SLC16A5: variants seen among roughly 807,000 people sequenced by gnomAD.
The protein encoded by SLC16A5 is monocarboxylate transporter 6.
A neutral mutation model predicts 33.2 loss-of-function variants in SLC16A5; 29 were observed. The ratio of observed to expected loss-of-function variants is 0.87; its 90% CI spans 0.65 to 1.19. The LOEUF (loss-of-function observed/expected upper bound fraction) is 1.19. Ranked by LOEUF, SLC16A5 falls within the 50% of genes most tolerant of loss-of-function variation. The pLI is 0.00. For synonymous variants in SLC16A5, 248 were observed against 284.1 expected, an observed-to-expected ratio of 0.87 and a Z score of 1.28; for missense variants, 606 against 678.2, an observed-to-expected ratio of 0.89 and a Z score of 1.18.
At chr17:75,089,637 C>T (rs2073611428) in intron 2 of SLC16A5, among the ~76,000 whole-genome samples, 2 of 151,834 alleles carry the variant, frequency 1.3e-5, no homozygotes. Context: ...GCCTGTAATC[C>T]CAGCTACTTC....
At chr17:75,098,380 T>A (rs997645819) in intron 4 of SLC16A5, among the ~76,000 whole-genome samples, 199 bp downstream of exon 4, 19 of 150,798 alleles carry the variant, frequency 1.3e-4, no homozygotes, top group Admixed American at 2.7e-4. Flanking sequence ...CCGGCCAACA[T>A]GGTGAAACCC....
intron 1 of SLC16A5, 115 bp downstream of exon 1, chr17:75,088,159 G>C (rs1235229059): frequency 6.5e-6 from 1 of 152,708 alleles, no homozygotes; most frequent in African/African-American, 2.4e-5. Context: ...GCCTGGGCGG[G>C]CTCAGTGGCG....
chr17:75,097,842 T>C (rs114869434), intron 3 of SLC16A5, among the ~76,000 whole-genome samples, 196 bp from the exon 4 acceptor site: 2,118 of 152,166 alleles, frequency 0.014, 43 homozygotes, highest in African/African-American at 0.048. Context: ...GGGGAAAAAA[T>C]TGAGGCACGG....
intron 2 of SLC16A5, among the ~76,000 whole-genome samples, chr17:75,091,474 G>T (rs1490934531): frequency 6.6e-6 from 1 of 152,164 alleles, no homozygotes; most frequent in Non-Finnish European, 1.5e-5. Flanking sequence ...TTGCACATGG[G>T]TCACACACCC....
rs1193365957 is a variant in SLC16A5, at chr17:75,093,595, G to A, written c.-42G>A. On this transcript the variant is annotated 5_prime_UTR_variant, in exon 3 of 7. Coordinates refer to ENST00000329783, the MANE Select transcript of SLC16A5 (RefSeq NM_004695.4). ...CATTCTGTCCCCTCCCCAGGCAGCA[G>A]CCACATTGGCAGTGAGGCCGTGGCA... 6.3e-7 allele frequency: 1 copy of A among 1,586,594 alleles called. No individual in the cohort carries two copies. The highest frequency in any genetic ancestry group is 8.5e-7 in the Non-Finnish European group (1 of 1,171,048).
intron 5 of SLC16A5, among the ~76,000 whole-genome samples, chr17:75,102,685 C>T (rs1238124584): frequency 6.6e-6 from 1 of 152,076 alleles, no homozygotes; most frequent in Non-Finnish European, 1.5e-5. Flanking sequence ...CCAATGGGGA[C>T]TCCGTCCAAG....
In SLC16A5 at chr17:75,105,963, A is replaced by T. The variant is rs982043114; in HGVS notation, c.1448A>T (p.Glu483Val). 15 of 1,610,894 alleles carry T rather than the reference A, an allele frequency of 9.3e-6. No individual in the cohort carries two copies. The African/African-American group carries it at 2.0e-4, about 22-fold the overall frequency. The change falls in exon 7 of 7, where the codon GAG (glutamate) becomes GTG (valine). Residue 483 changes from glutamate to valine, a missense_variant. Glu to Val is a moderately radical substitution (Grantham distance 121). Coordinates refer to ENST00000329783, the MANE Select transcript of SLC16A5 (RefSeq NM_004695.4). The stretch of plus-strand genomic sequence containing the variant: ...CCTGCCTCCTCCAGGACCAGCCATG[A>T]GTGGCTCTTATGGCCAAAGGCGGTA... Reference protein sequence around the residue: ...GCPASSRTSHEWLLWPKAVLQ... With the variant: ...GCPASSRTSHVWLLWPKAVLQ...
At chr17:75,094,712 GA>G (rs2073692949) in intron 3 of SLC16A5, among the ~76,000 whole-genome samples, 3 of 149,968 alleles carry the variant, frequency 2.0e-5, no homozygotes, top group Admixed American at 1.3e-4. Context: ...CCAGGAACAA[GA>G]GGGGGACAAG....
Position 75,100,698 on chromosome 17 carries a change from C to T in SLC16A5, c.1035C>T (p.Ile345=), listed in dbSNP as rs748550899. Reference sequence around the variant, plus strand: ...CGTACAGCGTGTCCATGAGTGGCATCGGCGCCCTCATCTTCCAGGTTCTCA... The same window carrying T: ...CGTACAGCGTGTCCATGAGTGGCATTGGCGCCCTCATCTTCCAGGTTCTCA... ...CLAYSVSMSG[I]GALIFQVLMD... Residue 345 remains isoleucine, a synonymous_variant, in exon 5 of 7, where the codon ATC becomes ATT. Coordinates refer to ENST00000329783, the MANE Select transcript of SLC16A5 (RefSeq NM_004695.4). 3.1e-6 allele frequency: 5 copies of T among 1,614,174 alleles called. No homozygotes were observed. Among genetic ancestry groups the T allele is most frequent in the African/African-American group, 2.7e-5 (2 of 75,042 alleles).
Position 75,100,029 on chromosome 17 carries a change from C to A in SLC16A5, c.366C>A (p.Phe122Leu). ...CAGGCCTGGGCATGTGCTTCAGCTT[C>A]CAGTCAAGCATCACGGTGCTGGGCT... ...FITGLGMCFS[F>L]QSSITVLGFY... Residue 122 changes from phenylalanine to leucine, a missense_variant, in exon 5 of 7, where the codon TTC (phenylalanine) becomes TTA (leucine). Phe to Leu is a conservative substitution (Grantham distance 22). Coordinates refer to ENST00000329783, the MANE Select transcript of SLC16A5 (RefSeq NM_004695.4). The A allele has an allele frequency of 6.2e-7, 1 of 1,611,868 alleles. No individual in the cohort carries two copies. The highest frequency in any genetic ancestry group is 1.1e-5 in the South Asian group (1 of 91,040).
chr17:75,093,455 G>T lies in SLC16A5; in HGVS notation c.-48-134G>T, dbSNP rs1256293398. On this transcript the variant is annotated intron_variant, in intron 2 of 6. Coordinates refer to ENST00000329783, the MANE Select transcript of SLC16A5 (RefSeq NM_004695.4). ...CGTGGGCCTCTGGCCACCTCCCAGG[G>T]GTGGTGCCCCTCTGTGACACCTGGT... The T allele has an allele frequency of 5.9e-6, 9 of 1,535,944 alleles. No homozygotes were observed. The South Asian group carries it at 1.1e-4, about 18-fold the overall frequency.
chr17:75,109,369 T>C (rs1490139282), downstream of SLC16A5, among the ~76,000 whole-genome samples: 6 of 152,106 alleles, frequency 3.9e-5, no homozygotes, highest in East Asian at 1.2e-3. The surrounding 1 kb of genome is among the most constrained non-coding windows in gnomAD (Gnocchi z 5.0). Context: ...TCGCTAGGCT[T>C]TTTGCAAAAG....
chr17:75,096,119 A>G (rs1389247344), intron 3 of SLC16A5, among the ~76,000 whole-genome samples: 2 of 151,774 alleles, frequency 1.3e-5, no homozygotes, highest in African/African-American at 4.9e-5. Flanking sequence ...TATTGTAGAA[A>G]TTTTTAAACA....
downstream of SLC16A5, among the ~76,000 whole-genome samples, chr17:75,109,031 A>T (rs114907790): frequency 2.5e-3 from 381 of 152,312 alleles, no homozygotes; most frequent in African/African-American, 8.7e-3. This position sits in a 1 kb window ranked among gnomAD's most constrained non-coding sequence, Gnocchi z 5.0. Context: ...TCACAGCCTA[A>T]GCCACCTCTA....
Position 75,100,674 on chromosome 17 carries a change from G to C in SLC16A5, c.1011G>C (p.Ala337=). Residue 337 remains alanine, a synonymous_variant, in exon 5 of 7, where the codon GCG becomes GCC. Transcript: ENST00000329783. ...DFWVLVGYCL[A]YSVSMSGIGA... Reference sequence around the variant, plus strand: ...GGGTGCTCGTGGGCTACTGCCTGGCGTACAGCGTGTCCATGAGTGGCATCG... The same window carrying C: ...GGGTGCTCGTGGGCTACTGCCTGGCCTACAGCGTGTCCATGAGTGGCATCG... The C allele has an allele frequency of 6.2e-7, 1 of 1,614,192 alleles. No homozygotes were observed. The highest frequency in any genetic ancestry group is 8.5e-7 in the Non-Finnish European group (1 of 1,180,038).
intron 2 of SLC16A5, among the ~76,000 whole-genome samples, chr17:75,091,531 T>TC (rs1365520773): frequency 6.6e-6 from 1 of 152,018 alleles, no homozygotes; most frequent in Non-Finnish European, 1.5e-5. Flanking sequence ...TTGGTGGGGC[T>TC]CCCAGGGTCC....
Position 75,104,248 on chromosome 17 carries a change from A to G in SLC16A5, c.1364+68A>G, listed in dbSNP as rs138783931. On this transcript the variant is annotated intron_variant, in intron 6 of 6. Coordinates refer to ENST00000329783, the MANE Select transcript of SLC16A5 (RefSeq NM_004695.4). ...CAGTGTCTGAGTCCTGGGATCACTG[A>G]GTGAACACTGTCTCAGCCCAGCCCA... 7.8e-4 allele frequency: 1,224 copies of G among 1,574,884 alleles called. 5 individuals are homozygous for G. In the African/African-American group the frequency reaches 0.014, roughly 18 times the overall value.
chr17:75,100,494 C>T lies in SLC16A5; in HGVS notation c.831C>T (p.Ile277=). The change falls in exon 5 of 7, where the codon ATC becomes ATT. Residue 277 remains isoleucine, a synonymous_variant. Coordinates refer to ENST00000329783, the MANE Select transcript of SLC16A5 (RefSeq NM_004695.4). ...ACGAGCAGCAGGCAGCCCTCCTCAT[C>T]TCCATCATCGGCTTCAGCAACATCT... ...SVDEQQAALL[I]SIIGFSNIFL... The T allele has an allele frequency of 3.7e-6, 6 of 1,614,262 alleles. No homozygotes were observed. Among genetic ancestry groups the T allele is most frequent in the Non-Finnish European group, 5.1e-6 (6 of 1,180,050 alleles).
intron 3 of SLC16A5, among the ~76,000 whole-genome samples, chr17:75,097,506 A>G (rs1317394462): frequency 1.7e-5 from 1 of 59,864 alleles, no homozygotes; most frequent in Non-Finnish European, 3.1e-5. Context: ...AGAGGGGCCC[A>G]GGGTTCCCCT....
Sources: gnomAD v4.1 joint callset for allele counts (sites outside exome capture counted in the v4.1 genomes callset) on GRCh38, gnomAD v4.1.1 for gene constraint, Gnocchi (gnomAD v3.1) non-coding constraint, MANE v1.5 for transcripts, NCBI Gene and HGNC (gene_info 2026-07-23, HGNC 2026-07-21) for gene names.